The following ZNF438 variants were observed in gnomAD, a reference collection of about 807,000 sequenced individuals.
ZNF438 encodes the protein zinc finger protein 438.
Under a neutral mutation model 38.0 loss-of-function variants are expected in ZNF438, and 25 were observed. The ratio of observed to expected loss-of-function variants is 0.66; its 90% CI spans 0.48 to 0.92. The LOEUF (loss-of-function observed/expected upper bound fraction) is 0.92. Among genes scored for constraint, ZNF438 ranks in the 40% least tolerant of loss-of-function variants. The probability of loss-of-function intolerance (pLI) is 0.00; values close to 1 mark genes in which losing one functional copy is unlikely to be tolerated. For synonymous variants in ZNF438, 372 were observed against 364.1 expected, an observed-to-expected ratio of 1.02 and a Z score of -0.25; for missense variants, 1,007 against 999.6, an observed-to-expected ratio of 1.01 and a Z score of -0.10.
At chr10:30,950,679 T>C (rs1233785502) in intron 1 of ZNF438, among the ~76,000 whole-genome samples, 3 of 144,176 alleles carry the variant, frequency 2.1e-5, no homozygotes, top group Admixed American at 6.9e-5. Context: ...ACACATACAC[T>C]CTCCCAAGAC....
intron 1 of ZNF438, among the ~76,000 whole-genome samples, chr10:30,952,300 A>G (rs2048310285): frequency 6.7e-6 from 1 of 149,528 alleles, no homozygotes; most frequent in Non-Finnish European, 1.5e-5. Context: ...TAAAAACCCT[A>G]GAAGAAAACC....
chr10:30,898,354 T>C lies in ZNF438; in HGVS notation c.-32+10579A>G, dbSNP rs552008213. Among the ~76,000 whole-genome samples, 58 of 152,284 alleles carry C rather than the reference T, an allele frequency of 3.8e-4. 3 individuals are homozygous for C. In the South Asian group the frequency reaches 0.012, roughly 30 times the overall value. ...AGGGAAAGATGTCCATAACATCATC[T>C]TAAGTGAAGCAAGCTGTGGAACAGT... On this transcript the variant is annotated intron_variant, in intron 3 of 5. Transcript: ENST00000413025.
intron 5 of ZNF438, among the ~76,000 whole-genome samples, chr10:30,848,092 A>G (rs895396140): frequency 5.3e-5 from 8 of 152,234 alleles, no homozygotes; most frequent in African/African-American, 1.9e-4. Flanking sequence ...ATGACACCAG[A>G]AAGAGTGAAC....
At chr10:30,882,671 G>C (rs1035027364) in intron 3 of ZNF438, among the ~76,000 whole-genome samples, 2 of 152,154 alleles carry the variant, frequency 1.3e-5, no homozygotes, top group Admixed American at 6.6e-5. Context: ...ATGGTTGCCT[G>C]GGGACAGGGG....
At chr10:30,985,806 T>G (rs1349765994) in intron 1 of ZNF438, among the ~76,000 whole-genome samples, 1 of 152,198 alleles carries the variant, frequency 6.6e-6, no homozygotes, top group Admixed American at 6.5e-5. Context: ...CCTGAGAGCC[T>G]CTGATTACAT....
chr10:30,972,823 A>C (rs1462438236), intron 1 of ZNF438, among the ~76,000 whole-genome samples: 1 of 152,190 alleles, frequency 6.6e-6, no homozygotes, highest in Non-Finnish European at 1.5e-5. Context: ...ATCTCTTTTT[A>C]ATAGATTTAA....
intron 1 of ZNF438, among the ~76,000 whole-genome samples, chr10:30,975,530 A>AAATCCATT (rs2051245012): frequency 6.6e-6 from 1 of 152,178 alleles, no homozygotes; most frequent in African/African-American, 2.4e-5. Context: ...CATCACCATA[A>AAATCCATT]AATCCATTAA....
chr10:31,021,956 G>A (rs1251259830), intron 1 of ZNF438, among the ~76,000 whole-genome samples: 2 of 152,206 alleles, frequency 1.3e-5, no homozygotes, highest in African/African-American at 4.8e-5. Flanking sequence ...CGGTCGTTTG[G>A]CATTTGAAGC....
At chr10:30,987,699 C>G (rs538942599) in intron 1 of ZNF438, among the ~76,000 whole-genome samples, 7 of 152,062 alleles carry the variant, frequency 4.6e-5, no homozygotes, top group Non-Finnish European at 7.4e-5. Context: ...CACCACCCCC[C>G]ATCCAAGTGC....
chr10:30,987,693 A>AC lies in ZNF438; in HGVS notation c.-192+44139dup, dbSNP rs2052996013. Among the ~76,000 whole-genome samples, 4 of 149,994 alleles carry AC rather than the reference A, an allele frequency of 2.7e-5. No homozygotes were observed. In the South Asian group the frequency reaches 8.6e-4, roughly 32 times the overall value. Reference sequence around the variant, plus strand: ...ATCTCTCTCTCTCTCCCCACCCACCACCCCCCATCCAAGTGCACACACCCA... The same window carrying AC: ...ATCTCTCTCTCTCTCCCCACCCACCACCCCCCCATCCAAGTGCACACACCCA... On this transcript the variant is annotated intron_variant, in intron 1 of 5. Transcript: ENST00000413025.
At chr10:30,968,434 CTTTTTTTT>C (rs546132410) in intron 1 of ZNF438, among the ~76,000 whole-genome samples, 8 of 103,618 alleles carry the variant, frequency 7.7e-5, no homozygotes, top group African/African-American at 2.4e-4. Flanking sequence ...TGAATGTAAA[CTTTTTTTT>C]TTTTTTTTTT....
chr10:31,025,970 C>T (rs1237052586), intron 1 of ZNF438, among the ~76,000 whole-genome samples: 1 of 151,984 alleles, frequency 6.6e-6, no homozygotes, highest in African/African-American at 2.4e-5. Context: ...AGAATTTTGA[C>T]AAAAACAAGA....
chr10:30,878,399 T>TGAGG (rs2038762393), intron 3 of ZNF438, among the ~76,000 whole-genome samples: 2 of 152,160 alleles, frequency 1.3e-5, no homozygotes, highest in African/African-American at 4.8e-5. Context: ...AGGGACGCTC[T>TGAGG]GACTTCAGGG....
At chr10:30,880,358 G>C (rs552268970) in intron 3 of ZNF438, among the ~76,000 whole-genome samples, 17 of 149,814 alleles carry the variant, frequency 1.1e-4, no homozygotes, top group African/African-American at 3.4e-4. Context: ...TTGAACCCAG[G>C]AGGCGGAGGC....
exon 5 of ZNF438, chr10:30,849,470 G>T (rs2033095124): frequency 6.2e-7 from 1 of 1,614,208 alleles, no homozygotes; most frequent in Non-Finnish European, 8.5e-7. Context: ...TGCAATGTTA[G>T]CATCTGATTT....
At chr10:30,939,013 C>G (rs2046546533) in intron 2 of ZNF438, among the ~76,000 whole-genome samples, 1 of 152,064 alleles carries the variant, frequency 6.6e-6, no homozygotes, top group Non-Finnish European at 1.5e-5. Context: ...CCAGGATGGT[C>G]TCAATCTCCT....
At chr10:30,852,941 T>A (rs1026233299) in intron 4 of ZNF438, among the ~76,000 whole-genome samples, 1 of 152,218 alleles carries the variant, frequency 6.6e-6, no homozygotes, top group African/African-American at 2.4e-5. Flanking sequence ...ATTTAAATGT[T>A]TTTCATTTTA....
intron 1 of ZNF438, among the ~76,000 whole-genome samples, chr10:31,008,394 T>C (rs2055355855): frequency 6.6e-6 from 1 of 152,158 alleles, no homozygotes; most frequent in South Asian, 2.1e-4. Context: ...TTAGAACATT[T>C]TTATCATCCC....
At chr10:30,887,777 T>C (rs967653087) in intron 3 of ZNF438, among the ~76,000 whole-genome samples, 1 of 152,158 alleles carries the variant, frequency 6.6e-6, no homozygotes, top group African/African-American at 2.4e-5. Flanking sequence ...AATCACCCTA[T>C]TGAAAATATA....
Sources: allele counts gnomAD v4.1 joint callset (sites outside exome capture counted in the v4.1 genomes callset), GRCh38; gene constraint gnomAD v4.1.1; transcripts MANE v1.5; gene names NCBI Gene and HGNC (gene_info 2026-07-23, HGNC 2026-07-21).